Variants in TMEM130 observed in about 807,000 individuals in gnomAD.
The protein encoded by TMEM130 is transmembrane protein 130.
Under a neutral mutation model 42.9 loss-of-function variants are expected in TMEM130, and 37 were observed. The ratio of observed to expected loss-of-function variants is 0.86; its 90% CI spans 0.66 to 1.13. TMEM130 has a LOEUF of 1.13. Among genes scored for constraint, TMEM130 ranks in the 50% most tolerant of loss-of-function variants. TMEM130 has a pLI of 0.00. For missense variants in TMEM130, 545 were observed against 562.6 expected, an observed-to-expected ratio of 0.97 and a Z score of 0.32; for synonymous variants, 259 against 237.7, an observed-to-expected ratio of 1.09 and a Z score of -0.82.
chr7:98,853,337 T>G (rs1794553685), intron 5 of TMEM130, among the ~76,000 whole-genome samples: 1 of 152,150 alleles, frequency 6.6e-6, no homozygotes, highest in Non-Finnish European at 1.5e-5. Context: ...CAAGAGTCCT[T>G]CAAGGGCGGG....
chr7:98,855,315 C>G lies in TMEM130; in HGVS notation c.728G>C (p.Arg243Pro). Residue 243 changes from arginine to proline, a missense_variant, in exon 5 of 8, where the codon CGA becomes CCA. Transcript: ENST00000339375. ...GGTGGGCCCCAACACTTGGATGCCT[C>G]GAAGGGTTTCTGTAAGGCAGAGAGA... ...SASLKLQETL[R>P]GIQVLGPTLI... 1.9e-6 allele frequency: 3 copies of G among 1,612,488 alleles called. No homozygotes were observed. In the South Asian group the frequency reaches 3.3e-5, roughly 18 times the overall value.
intron 5 of TMEM130, among the ~76,000 whole-genome samples, chr7:98,852,124 T>A (rs1414679752): frequency 6.6e-6 from 1 of 151,842 alleles, no homozygotes; most frequent in Admixed American, 6.6e-5. Context: ...TTTTTTAATT[T>A]AATTTAATTT....
rs1361450492 is a variant in TMEM130, at chr7:98,863,255, G to T, written c.231C>A (p.Thr77=). 6.2e-7 allele frequency: 1 copy of T among 1,613,944 alleles called. No homozygotes were observed. The highest frequency in any genetic ancestry group is 8.5e-7 in the Non-Finnish European group (1 of 1,180,040). The change falls in exon 2 of 8, where the codon ACC becomes ACA. Residue 77 remains threonine, a synonymous_variant. Coordinates refer to ENST00000339375, the MANE Select transcript of TMEM130 (RefSeq NM_152913.3). ...CCATCTTGCCAGTAAGCACCAGCGG[G>T]GTGTGGATCCAGTGGAAGCGGTAGA... is the stretch of plus-strand genomic sequence containing the variant. ...AHLYRFHWIH[T]PLVLTGKMEK...
In TMEM130 at chr7:98,855,270, T is replaced by G. The variant is rs782076350; in HGVS notation, c.773A>C (p.Lys258Thr). ...LGPTLIQTFQ[K>T]MTVTLNFLGS... is the part of the protein sequence containing the mutation. ...CAGGAAGTTCAAGGTCACGGTCATC[T>G]TTTGGAAGGTCTGAATTAGGGTGGG... Residue 258 changes from lysine (K) to threonine (T), a missense_variant, in exon 5 of 8, where the codon AAG (lysine) becomes ACG (threonine). Physicochemically the swap from Lys to Thr is moderately conservative, Grantham distance 78 (BLOSUM62 -1). Transcript: ENST00000339375. The G allele has an allele frequency of 6.2e-7, 1 of 1,613,586 alleles. No individual in the cohort carries two copies.
chr7:98,857,087 A>C (rs1554399122), intron 3 of TMEM130, among the ~76,000 whole-genome samples: 1 of 151,796 alleles, frequency 6.6e-6, no homozygotes, highest in Non-Finnish European at 1.5e-5. Context: ...ATCCCTGGCT[A>C]ATTTTTGTAT....
Position 98,856,178 on chromosome 7 carries a change from T to G in TMEM130, c.557A>C (p.Gln186Pro), listed in dbSNP as rs1370783889. 4 of 1,613,476 alleles carry G rather than the reference T, an allele frequency of 2.5e-6. No individual in the cohort carries two copies. Among genetic ancestry groups the G allele is most frequent in the African/African-American group, 2.7e-5 (2 of 74,924 alleles). The change falls in exon 4 of 8, where the codon CAG (glutamine) becomes CCG (proline). Residue 186 changes from glutamine (Q) to proline (P), a missense_variant. Coordinates refer to ENST00000339375, the MANE Select transcript of TMEM130 (RefSeq NM_152913.3). ...GACCACGGAGTCTTCAGTCACCATCTGGGTCCTGTTAGGAGACAGGGAGGA... is the reference window on the plus strand; with the variant it reads ...GACCACGGAGTCTTCAGTCACCATCGGGGTCCTGTTAGGAGACAGGGAGGA... ...LYSWDFGDGT[Q>P]MVTEDSVVYY...
chr7:98,850,662 C>T (rs1397619918), intron 6 of TMEM130, among the ~76,000 whole-genome samples: 1 of 152,028 alleles, frequency 6.6e-6, no homozygotes, highest in Non-Finnish European at 1.5e-5. Context: ...AGTCCACCCG[C>T]CTCAGCCTCC....
At position 98,869,515 on chromosome 7, in the gene TMEM130, G is replaced by C. The variant is rs986560093; in HGVS notation, c.85+262C>G. Among the ~76,000 whole-genome samples, 1 of 152,240 alleles carries C rather than the reference G, an allele frequency of 6.6e-6. No individual in the cohort carries two copies. The highest frequency in any genetic ancestry group is 1.5e-5 in the Non-Finnish European group (1 of 68,044). ...GCCGGCCACCCCCGCGCGGTTTCCAGGGCAGGGCCAGCCTGGGGGGGTGGA... is the reference window on the plus strand; with the variant it reads ...GCCGGCCACCCCCGCGCGGTTTCCACGGCAGGGCCAGCCTGGGGGGGTGGA... On this transcript the variant is annotated intron_variant, in intron 1 of 7. Coordinates refer to ENST00000339375, the MANE Select transcript of TMEM130 (RefSeq NM_152913.3). The surrounding 1 kb of genome is among the most constrained non-coding windows in gnomAD (Gnocchi z 4.7).
At chr7:98,868,753 T>C (rs564875342) in intron 1 of TMEM130, among the ~76,000 whole-genome samples, 1 of 152,302 alleles carries the variant, frequency 6.6e-6, no homozygotes, top group African/African-American at 2.4e-5. Flanking sequence ...TTAATTCACT[T>C]TTGTTATTAT....
intron 4 of TMEM130, 144 bp downstream of exon 4, chr7:98,855,873 G>A (rs1794618940): frequency 1.0e-6 from 1 of 988,082 alleles, no homozygotes; most frequent in Non-Finnish European, 1.5e-6. Context: ...TCTGTCTGAA[G>A]CAGGGTTAAT....
intron 3 of TMEM130, among the ~76,000 whole-genome samples, chr7:98,858,066 C>G (rs1297573361): frequency 6.6e-6 from 1 of 152,028 alleles, no homozygotes; most frequent in Non-Finnish European, 1.5e-5. Flanking sequence ...ATTCTAAGTT[C>G]TCCACTCAGT....
chr7:98,850,619 G>T (rs577252546), intron 6 of TMEM130, among the ~76,000 whole-genome samples: 1 of 152,048 alleles, frequency 6.6e-6, no homozygotes, highest in South Asian at 2.1e-4. Flanking sequence ...TTGCCACGTT[G>T]CCCAGGCTGG....
chr7:98,857,696 T>G (rs2116097571), intron 3 of TMEM130, among the ~76,000 whole-genome samples: 1 of 82,744 alleles, frequency 1.2e-5, no homozygotes, highest in East Asian at 4.4e-4. Context: ...CGAGACCCTG[T>G]CTCAAAAACA....
At chr7:98,852,213 T>A (rs2116074444) in intron 5 of TMEM130, among the ~76,000 whole-genome samples, 1 of 152,274 alleles carries the variant, frequency 6.6e-6, no homozygotes, top group East Asian at 1.9e-4. Flanking sequence ...CGATCTTGAC[T>A]CACTGCAACC....
intron 1 of TMEM130, among the ~76,000 whole-genome samples, chr7:98,864,724 C>A (rs1458689743): frequency 6.6e-6 from 1 of 151,996 alleles, no homozygotes; most frequent in African/African-American, 2.4e-5. Context: ...CATGGTGAAA[C>A]CCTGTCTCCA....
At chr7:98,857,060 T>C (rs1554399121) in intron 3 of TMEM130, among the ~76,000 whole-genome samples, 1 of 152,120 alleles carries the variant, frequency 6.6e-6, no homozygotes, top group Non-Finnish European at 1.5e-5. Flanking sequence ...TAGCTGGGAC[T>C]ACAGGCACGT....
chr7:98,865,993 T>C, intron 1 of TMEM130: 1 of 171,816 alleles, frequency 5.8e-6, no homozygotes, highest in South Asian at 1.2e-4. Context: ...CTGGAAGAAA[T>C]AGCAGCCTGG....
In TMEM130 at chr7:98,869,156, C is replaced by T. The variant is rs1025727204; in HGVS notation, c.85+621G>A. 7.9e-7 allele frequency: 1 copy of T among 1,269,768 alleles called. No homozygotes were observed. Among genetic ancestry groups the T allele is most frequent in the Non-Finnish European group, 1.0e-6 (1 of 979,124 alleles). 78.7% of individuals were successfully genotyped at this position (1,269,768 alleles called of 1,614,324 possible). A position where few individuals can be genotyped will look rare whatever the true frequency, so the allele number is the denominator to read the frequency against. On this transcript the variant is annotated intron_variant, in intron 1 of 7. Transcript: ENST00000339375. The surrounding 1 kb of genome is among the most constrained non-coding windows in gnomAD (Gnocchi z 4.7). ...CTTTCTGGCGGTGGGGAAGTGGGGG[C>T]AGTAGACACACAACCCTGCTTCCCC...
intron 5 of TMEM130, among the ~76,000 whole-genome samples, chr7:98,852,573 T>TTTTG (rs574300395): frequency 4.0e-5 from 6 of 151,806 alleles, no homozygotes; most frequent in South Asian, 2.1e-4. Context: ...GAGAGTTGTT[T>TTTTG]TTTGTTTGTT....
Sources: allele counts gnomAD v4.1 joint callset (sites outside exome capture counted in the v4.1 genomes callset), GRCh38; gene constraint gnomAD v4.1.1; non-coding constraint Gnocchi (gnomAD v3.1); transcripts MANE v1.5; gene names NCBI Gene and HGNC (gene_info 2026-07-23, HGNC 2026-07-21).